Variants in CCDC33 observed in about 807,000 individuals in gnomAD.
CCDC33 encodes coiled-coil domain-containing protein 33.
A neutral mutation model predicts 91.9 loss-of-function variants in CCDC33; 94 were observed. That is an observed-to-expected ratio of 1.02 (90% CI 0.87 to 1.21). The LOEUF (loss-of-function observed/expected upper bound fraction) is 1.21, where lower values mean the gene tolerates loss of function less well. CCDC33 is among the 50% of genes most tolerant of loss of function. The pLI, the probability that CCDC33 is intolerant of heterozygous loss-of-function variation, is 0.00. For missense variants in CCDC33, 940 were observed against 935.5 expected, an observed-to-expected ratio of 1.00 and a Z score of -0.06; for synonymous variants, 396 against 374.5, an observed-to-expected ratio of 1.06 and a Z score of -0.66.
intron 1 of CCDC33, among the ~76,000 whole-genome samples, chr15:74,241,750 G>C (rs1333945914): frequency 6.6e-6 from 1 of 152,250 alleles, no homozygotes; most frequent in Non-Finnish European, 1.5e-5. Flanking sequence ...GTGCTGACCT[G>C]AGGATGCTGA....
chr15:74,295,720 TG>T (rs1289653629), intron 10 of CCDC33, 33 bp from the exon 11 acceptor site: 3 of 1,567,002 alleles, frequency 1.9e-6, no homozygotes, highest in Non-Finnish European at 2.6e-6. Context: ...AGAAGGGGCC[TG>T]TCCTGAAGTT....
At chr15:74,336,363 C>T (rs566826599), downstream of CCDC33, 38 of 1,340,326 alleles carry the variant, frequency 2.8e-5, no homozygotes, top group Non-Finnish European at 3.4e-5. Context: ...CTTCCAGACC[C>T]GGAGAAGAAG....
At chr15:74,209,130 C>T (rs1237112666) in intron 1 of CCDC33, 2 of 1,313,506 alleles carry the variant, frequency 1.5e-6, no homozygotes, top group Non-Finnish European at 2.0e-6. Flanking sequence ...CAGAGGAACC[C>T]ACCCCACCCC....
chr15:74,301,646 G>A (rs1410027484), intron 11 of CCDC33: 1 of 152,364 alleles, frequency 6.6e-6, no homozygotes, highest in African/African-American at 2.4e-5. Context: ...AGAGAGCTGG[G>A]GAGGTGGTGG....
chr15:74,244,056 C>T lies in CCDC33; in HGVS notation c.93C>T (p.Pro31=), dbSNP rs1230708420. The T allele has an allele frequency of 1.9e-6, 3 of 1,569,572 alleles. No homozygotes were observed. Among genetic ancestry groups the T allele is most frequent in the Middle Eastern group, 1.7e-4 (1 of 5,974 alleles). ...STEPEIGHLS[P]SKKETIMVTL... ...AACCTGAGATCGGTCACCTGTCTCC[C>T]TCTAAGAAGGAGACCATCATGGTCA... The change falls in exon 2 of 19, where the codon CCC becomes CCT. Residue 31 remains proline, a synonymous_variant. Transcript: ENST00000398814. This position sits in a 1 kb window ranked among gnomAD's most constrained non-coding sequence, Gnocchi z 4.2.
intron 2 of CCDC33, among the ~76,000 whole-genome samples, chr15:74,228,216 G>T (rs909768260): frequency 2.6e-5 from 4 of 152,202 alleles, no homozygotes; most frequent in Non-Finnish European, 5.9e-5. Flanking sequence ...GGGGTGGAAA[G>T]TATTTGATCA....
At chr15:74,213,772 A>G (rs1445503716), upstream of CCDC33, among the ~76,000 whole-genome samples, 1 of 152,120 alleles carries the variant, frequency 6.6e-6, no homozygotes, top group Non-Finnish European at 1.5e-5. Context: ...GGGAGTGGGA[A>G]GTGGGCCTGG....
At chr15:74,292,648 T>C (rs539262031) in intron 10 of CCDC33, among the ~76,000 whole-genome samples, 2 of 152,116 alleles carry the variant, frequency 1.3e-5, no homozygotes, top group South Asian at 4.1e-4. Flanking sequence ...CAAAGTTGAA[T>C]GGGACAGGGG....
upstream of CCDC33, chr15:74,212,844 T>G (rs2074381298): frequency 6.6e-6 from 1 of 152,050 alleles, no homozygotes; most frequent in African/African-American, 2.4e-5. Context: ...TCAAAACCCC[T>G]TTTCCCCAAA....
At chr15:74,217,374 G>A (rs1280455830) in exon 1 of CCDC33, 12 of 1,289,928 alleles carry the variant, frequency 9.3e-6, no homozygotes, top group South Asian at 3.7e-5. Context: ...AGTTTTGAGC[G>A]TGGGGTTTAA....
intron 1 of CCDC33, among the ~76,000 whole-genome samples, chr15:74,238,558 TA>T (rs2075252578): frequency 6.6e-6 from 1 of 152,246 alleles, no homozygotes; most frequent in South Asian, 2.1e-4. Flanking sequence ...AATCCTTTTT[TA>T]AATATGCAGC....
upstream of CCDC33, among the ~76,000 whole-genome samples, chr15:74,235,470 A>C (rs1444785275): frequency 6.6e-6 from 1 of 152,166 alleles, no homozygotes; most frequent in Non-Finnish European, 1.5e-5. Flanking sequence ...AATAGGTAGA[A>C]ATGAGGCAGG....
chr15:74,203,060 C>G (rs1199489638), exon 1 of CCDC33: 1 of 985,578 alleles, frequency 1.0e-6, no homozygotes, highest in East Asian at 1.1e-4. Flanking sequence ...TCTGCAGTGC[C>G]GCACACAGAC....
chr15:74,208,734 T>G (rs566497735), intron 1 of CCDC33: 26 of 988,122 alleles, frequency 2.6e-5, no homozygotes, highest in Middle Eastern at 5.2e-4. Context: ...ACACCCCATG[T>G]GCCTTCTCGC....
At chr15:74,313,420 T>C (rs1383024452) in intron 11 of CCDC33, among the ~76,000 whole-genome samples, 2,840 of 136,246 alleles carry the variant, frequency 0.021, 35 homozygotes, top group South Asian at 0.11. Context: ...TCTTTCTTTT[T>C]TTTTTTTTTT....
At chr15:74,251,933 T>C (rs958286432) in intron 2 of CCDC33, among the ~76,000 whole-genome samples, 2 of 151,854 alleles carry the variant, frequency 1.3e-5, no homozygotes, top group Admixed American at 6.6e-5. Flanking sequence ...AAGCTAGGAG[T>C]GTATTGTGTG....
In CCDC33 at chr15:74,236,592, C is replaced by G; in HGVS notation, c.-128C>G. 1 of 631,226 alleles carries G rather than the reference C, an allele frequency of 1.6e-6. No individual in the cohort carries two copies. The highest frequency in any genetic ancestry group is 2.7e-6 in the Non-Finnish European group (1 of 368,994). The allele number at this position is 631,226 out of a possible 1,614,324, so 39.1% of individuals were successfully genotyped here. ...ACCACATTGACCTCCATACTGTCTA[C>G]TACCCATAAGGACTCCAAGACGCCC... On this transcript the variant is annotated 5_prime_UTR_variant, in exon 1 of 19. Transcript: ENST00000398814.
chr15:74,222,483 G>C (rs761484234), intron 2 of CCDC33, among the ~76,000 whole-genome samples: 4 of 151,070 alleles, frequency 2.6e-5, no homozygotes, highest in Non-Finnish European at 5.9e-5. Context: ...TCGTTTCCCA[G>C]GAGCCTTTTA....
intron 11 of CCDC33, among the ~76,000 whole-genome samples, chr15:74,329,727 A>G (rs1482766862): frequency 6.6e-6 from 1 of 152,184 alleles, no homozygotes; most frequent in Non-Finnish European, 1.5e-5. Context: ...TCACCTTCCA[A>G]GTGGCATCCA....
Sources: allele counts gnomAD v4.1 joint callset (sites outside exome capture counted in the v4.1 genomes callset), GRCh38; gene constraint gnomAD v4.1.1; non-coding constraint Gnocchi (gnomAD v3.1); transcripts MANE v1.5; gene names NCBI Gene and HGNC (gene_info 2026-07-23, HGNC 2026-07-21).